Variants in CAST observed in about 807,000 individuals in gnomAD.
CAST encodes MIR583 host.
In CAST, 76 loss-of-function variants were observed where a neutral mutation model predicts 119.6. That is an observed-to-expected ratio of 0.64 (90% CI 0.53 to 0.77). The LOEUF (loss-of-function observed/expected upper bound fraction) is 0.77, where lower values mean the gene tolerates loss of function less well. CAST is among the 30% of genes least tolerant of loss of function. The probability of loss-of-function intolerance (pLI) is 0.00; values close to 1 mark genes in which losing one functional copy is unlikely to be tolerated. For synonymous variants in CAST, 319 were observed against 331.6 expected (o/e 0.96, Z 0.41); for missense variants, 953 against 946.5 (o/e 1.01, Z -0.09).
the CAST span, among the ~76,000 whole-genome samples, chr5:96,374,331 AAAAC>A: frequency 6.6e-6 from 1 of 152,188 alleles, no homozygotes; most frequent in African/African-American, 2.4e-5. Flanking sequence ...TCATTTCCAG[AAAAC>A]AAACAAGTTC....
At chr5:96,499,459 T>C in the CAST span, among the ~76,000 whole-genome samples, 3 of 152,254 alleles carry the variant, frequency 2.0e-5, no homozygotes, top group Non-Finnish European at 4.4e-5. Flanking sequence ...GCTAAAAAGA[T>C]GCTAACAATT....
the CAST span, among the ~76,000 whole-genome samples, chr5:96,297,394 CCAACCAGATGTAGCAGTGTG>C: frequency 2.6e-5 from 4 of 152,178 alleles, no homozygotes; most frequent in African/African-American, 9.7e-5. Context: ...TCCTCCATAT[CCAACCAGATGTAGCAGTGTG>C]TGTGTCTGGT....
At chr5:96,425,042 A>AAGAC in the CAST span, among the ~76,000 whole-genome samples, 1 of 140,488 alleles carries the variant, frequency 7.1e-6, no homozygotes, top group African/African-American at 2.9e-5. Flanking sequence ...GAAAGAAAGA[A>AAGAC]AGAAAGAAAG....
At chr5:96,703,319 G>T (rs1754257922) in intron 3 of CAST, among the ~76,000 whole-genome samples, 1 of 152,122 alleles carries the variant, frequency 6.6e-6, no homozygotes, top group African/African-American at 2.4e-5. Context: ...GTTGGAGATA[G>T]ATCTCCTCCT....
intron 1 of CAST, among the ~76,000 whole-genome samples, chr5:96,550,242 C>T (rs1401144859): frequency 2.0e-5 from 3 of 152,222 alleles, no homozygotes; most frequent in African/African-American, 7.2e-5. Flanking sequence ...TGCTGTTCTG[C>T]AGCCTCTGCT....
the CAST span, among the ~76,000 whole-genome samples, chr5:96,121,862 C>T: frequency 2.0e-5 from 3 of 152,204 alleles, no homozygotes; most frequent in East Asian, 3.9e-4. Context: ...TCCACCCACC[C>T]CCTGCCCACC....
intron 22 of CAST, among the ~76,000 whole-genome samples, chr5:96,756,033 T>C (rs1358941879): frequency 6.6e-6 from 1 of 152,204 alleles, no homozygotes; most frequent in Non-Finnish European, 1.5e-5. Flanking sequence ...CCCTGATCAC[T>C]TTATTCTGTA....
the CAST span, among the ~76,000 whole-genome samples, chr5:96,150,589 A>G: frequency 4.6e-5 from 7 of 152,218 alleles, no homozygotes; most frequent in Non-Finnish European, 1.0e-4. Flanking sequence ...GAGATGCTGT[A>G]TTGAGAATGG....
chr5:96,131,112 A>G, the CAST span, among the ~76,000 whole-genome samples: 4 of 152,120 alleles, frequency 2.6e-5, no homozygotes, highest in South Asian at 8.3e-4. Context: ...TCAGTGGTGA[A>G]AAATAGAAAC....
At chr5:96,010,006 T>A in the CAST span, among the ~76,000 whole-genome samples, 2 of 152,194 alleles carry the variant, frequency 1.3e-5, no homozygotes, top group Non-Finnish European at 2.9e-5. Context: ...CATTCTTTTG[T>A]ATATGGCTAG....
At chr5:96,439,148 A>T in the CAST span, among the ~76,000 whole-genome samples, 6 of 152,322 alleles carry the variant, frequency 3.9e-5, no homozygotes, top group African/African-American at 1.2e-4. Context: ...ACTTCAACTT[A>T]TCAAGTAACG....
At chr5:96,026,014 C>T in the CAST span, among the ~76,000 whole-genome samples, 4 of 152,274 alleles carry the variant, frequency 2.6e-5, no homozygotes, top group South Asian at 4.1e-4. Context: ...AAGTGGATTG[C>T]TTAAGCCCCG....
At chr5:96,543,393 C>A (rs1561411726) in intron 1 of CAST, among the ~76,000 whole-genome samples, 2 of 151,530 alleles carry the variant, frequency 1.3e-5, no homozygotes, top group African/African-American at 2.4e-5. Flanking sequence ...GCTTGGGGGG[C>A]AAGGGGAGGG....
At chr5:96,743,334 A>G (rs1316264985) in intron 16 of CAST, among the ~76,000 whole-genome samples, 1 of 152,216 alleles carries the variant, frequency 6.6e-6, no homozygotes, top group Non-Finnish European at 1.5e-5. Context: ...GAAAGTTTTA[A>G]TATTAAATTA....
intron 3 of CAST, among the ~76,000 whole-genome samples, chr5:96,704,300 T>C (rs1033073613): frequency 2.8e-4 from 43 of 152,198 alleles, no homozygotes; most frequent in African/African-American, 1.0e-3. Context: ...TTATATAGAA[T>C]TAGTGGGGAG....
At chr5:96,220,985 T>C in the CAST span, among the ~76,000 whole-genome samples, 1 of 152,200 alleles carries the variant, frequency 6.6e-6, no homozygotes, top group African/African-American at 2.4e-5. Context: ...AGATTACAAT[T>C]AATTTTATTC....
At chr5:95,995,868 C>T in the CAST span, among the ~76,000 whole-genome samples, 7 of 152,088 alleles carry the variant, frequency 4.6e-5, no homozygotes, top group African/African-American at 9.7e-5. Flanking sequence ...CCCCTGCCCA[C>T]AGTAAGAAGC....
At chr5:96,243,301 A>G in the CAST span, among the ~76,000 whole-genome samples, 1 of 138,366 alleles carries the variant, frequency 7.2e-6, no homozygotes, top group Non-Finnish European at 1.5e-5. Context: ...TAAGCAAATC[A>G]ATAGAGAATT....
At chr5:96,268,651 A>G in the CAST span, among the ~76,000 whole-genome samples, 1 of 152,156 alleles carries the variant, frequency 6.6e-6, no homozygotes, top group Admixed American at 6.6e-5. Flanking sequence ...ATGGATAAAG[A>G]AATAAGACCC....
Sources: allele counts gnomAD v4.1 joint callset (sites outside exome capture counted in the v4.1 genomes callset), GRCh38; gene constraint gnomAD v4.1.1; transcripts MANE v1.5; gene names NCBI Gene and HGNC (gene_info 2026-07-23, HGNC 2026-07-21).